The following MAT2B variants were observed in gnomAD, a reference collection of about 807,000 sequenced individuals.
MAT2B encodes methionine adenosyltransferase 2 non-catalytic beta subunit, also known as methionine adenosyltransferase 2 subunit beta.
MAT2B carries 16 observed loss-of-function variants against 36.1 expected under a neutral mutation model. That is an observed-to-expected ratio of 0.44 (90% CI 0.30 to 0.67). The LOEUF is 0.67. Ranked by LOEUF, MAT2B falls within the 30% of genes least tolerant of loss-of-function variation. MAT2B has a pLI of 0.09. For missense variants in MAT2B, 332 were observed against 398.2 expected (o/e 0.83, Z 1.42); for synonymous variants, 148 against 136.9 (o/e 1.08, Z -0.57).
At chr5:163,510,210 T>C (rs1365492953) in intron 1 of MAT2B, among the ~76,000 whole-genome samples, 2 of 152,182 alleles carry the variant, frequency 1.3e-5, no homozygotes, top group Non-Finnish European at 2.9e-5. Context: ...GGTTGGAAAC[T>C]TGGTGTTACC....
chr5:163,507,360 C>G (rs299296), intron 1 of MAT2B, among the ~76,000 whole-genome samples: 150,986 of 152,330 alleles, frequency 0.99, 74,836 homozygotes, highest in East Asian at 1. Context: ...CGATTAGATA[C>G]GATAATAAGA....
chr5:163,518,288 A>G lies in MAT2B; in HGVS notation c.930A>G (p.Pro310=). ...LETLGIGQRT[P]FRIGIKESLW... ...CCTTGGGCATTGGCCAACGAACACCATTTCGAATTGGAATCAAAGAATCAC... is the reference window on the plus strand; with the variant it reads ...CCTTGGGCATTGGCCAACGAACACCGTTTCGAATTGGAATCAAAGAATCAC... Residue 310 remains proline, a synonymous_variant, in exon 7 of 7, where the codon CCA becomes CCG. Coordinates refer to ENST00000321757, the MANE Select transcript of MAT2B (RefSeq NM_013283.5). 8.7e-6 allele frequency: 14 copies of G among 1,613,984 alleles called. No homozygotes were observed. Among genetic ancestry groups the G allele is most frequent in the Non-Finnish European group, 1.2e-5 (14 of 1,179,896 alleles).
chr5:163,517,386 T>C (rs1020743569), intron 5 of MAT2B, 175 bp from the exon 6 acceptor site: 8 of 388,064 alleles, frequency 2.1e-5, no homozygotes, highest in Admixed American at 3.9e-5. Flanking sequence ...CTTTTAAGTG[T>C]TTTGCTAAGA....
rs7729611 is a variant in MAT2B, at chr5:163,513,739, G to A, written c.373+70G>A. The A allele has an allele frequency of 2.3e-3, 3,437 of 1,511,098 alleles. 68 individuals are homozygous for A. The African/African-American group carries it at 0.043, about 19-fold the overall frequency. 93.6% of individuals were successfully genotyped at this position (1,511,098 alleles called of 1,614,324 possible). A position where few individuals can be genotyped will look rare whatever the true frequency, so the allele number is the denominator to read the frequency against. On this transcript the variant is annotated intron_variant, in intron 3 of 6. Transcript: ENST00000321757. ...CTGAGTTTTTAGAAATTAAGGTTTT[G>A]TAGATGGTTATTTGTTTTTATATAT... is the stretch of plus-strand genomic sequence containing the variant.
intron 1 of MAT2B, among the ~76,000 whole-genome samples, chr5:163,507,892 C>G (rs1759971408): frequency 6.6e-6 from 1 of 152,130 alleles, no homozygotes; most frequent in Non-Finnish European, 1.5e-5. Flanking sequence ...TCGGACTCCT[C>G]GTGGTAGGGA....
chr5:163,503,216 G>A (rs1167972360), upstream of MAT2B: 2 of 607,404 alleles, frequency 3.3e-6, no homozygotes, highest in Non-Finnish European at 6.0e-6. Context: ...GCCATGTGGA[G>A]AACTGCACGA....
chr5:163,508,548 A>G (rs957383581), intron 1 of MAT2B, among the ~76,000 whole-genome samples: 3 of 152,186 alleles, frequency 2.0e-5, no homozygotes, highest in Non-Finnish European at 4.4e-5. Flanking sequence ...TCAAACTGCT[A>G]TTAAAAAAAC....
chr5:163,514,980 T>C (rs532316377), intron 4 of MAT2B, among the ~76,000 whole-genome samples: 89 of 152,322 alleles, frequency 5.8e-4, no homozygotes, highest in African/African-American at 2.0e-3. Context: ...AGGGTCTTTC[T>C]GGTCCTCTGG....
intron 5 of MAT2B, 94 bp downstream of exon 5, chr5:163,516,805 G>A (rs1760140838): frequency 7.2e-7 from 1 of 1,392,840 alleles, no homozygotes; most frequent in African/African-American, 1.4e-5. Context: ...GTTACTGAGT[G>A]AAAGCCAAAA....
At chr5:163,503,364 G>C (rs190145161), upstream of MAT2B, 70 of 1,611,500 alleles carry the variant, frequency 4.3e-5, no homozygotes, top group Non-Finnish European at 5.6e-5. Context: ...GACCCATCCC[G>C]TATCTGCTCT....
At position 163,511,439 on chromosome 5, in the gene MAT2B, CTTTTTTTTT is replaced by C. The variant is rs60009583; in HGVS notation, c.64-547_64-539del. On this transcript the variant is annotated intron_variant, in intron 1 of 6. Coordinates refer to ENST00000321757, the MANE Select transcript of MAT2B (RefSeq NM_013283.5). ...CCACCTGTAGCTCAGCTAATTTTTGCTTTTTTTTTTTTTTTTTTTTTTTTGGAAGGACGG... is the reference window on the plus strand; with the variant it reads ...CCACCTGTAGCTCAGCTAATTTTTGCTTTTTTTTTTTTTTTGGAAGGACGG... Among the ~76,000 whole-genome samples, 62 of 69,540 alleles carry C rather than the reference CTTTTTTTTT, an allele frequency of 8.9e-4. 1 individual carries two copies. The highest frequency in any genetic ancestry group is 2.9e-3 in the African/African-American group (51 of 17,530). The allele number at this position is 69,540 out of a possible 152,430, so 45.6% of individuals were successfully genotyped here.
intron 1 of MAT2B, among the ~76,000 whole-genome samples, chr5:163,508,911 T>C (rs956858190): frequency 2.6e-5 from 4 of 152,212 alleles, no homozygotes; most frequent in African/African-American, 9.7e-5. Flanking sequence ...AAAATTAACA[T>C]GTTATAGGCC....
rs185885226 is a variant in MAT2B at position 163,517,883 on chromosome 5, A to G, written c.834+209A>G. On this transcript the variant is annotated intron_variant, in intron 6 of 6. Coordinates refer to ENST00000321757, the MANE Select transcript of MAT2B (RefSeq NM_013283.5). The stretch of plus-strand genomic sequence containing the variant: ...AATGTATTATTGTCTTGATCATGAC[A>G]GGCATTTGGTTTATTTTTCCAGGGA... 1.2e-3 allele frequency: 600 copies of G among 497,534 alleles called. 2 individuals are homozygous for G. The highest frequency in any genetic ancestry group is 9.2e-3 in the Middle Eastern group (17 of 1,840). 30.8% of individuals were successfully genotyped at this position (497,534 alleles called of 1,614,324 possible). A position where few individuals can be genotyped will look rare whatever the true frequency, so the allele number is the denominator to read the frequency against.
intron 1 of MAT2B, among the ~76,000 whole-genome samples, chr5:163,506,155 TAAC>T (rs1759933756): frequency 6.6e-6 from 1 of 152,230 alleles, no homozygotes; most frequent in Non-Finnish European, 1.5e-5. Context: ...TTCTCACAAA[TAAC>T]AGTGCTGGAG....
At position 163,514,732 on chromosome 5, in the gene MAT2B, C is replaced by G. The variant is rs534345364; in HGVS notation, c.526+738C>G. Reference sequence around the variant, plus strand: ...TGGTCCCCTGCACTAAAACTACTGCCTTAGACTGTACTATGGCCTTGAGAA... The same window carrying G: ...TGGTCCCCTGCACTAAAACTACTGCGTTAGACTGTACTATGGCCTTGAGAA... On this transcript the variant is annotated intron_variant, in intron 4 of 6. Transcript: ENST00000321757. Among the ~76,000 whole-genome samples, 18 of 152,284 alleles carry G rather than the reference C, an allele frequency of 1.2e-4. No homozygotes were observed. The South Asian group carries it at 2.1e-3, about 18-fold the overall frequency.
intron 1 of MAT2B, among the ~76,000 whole-genome samples, 170 bp from the exon 2 acceptor site, chr5:163,511,832 C>T (rs933231316): frequency 6.6e-6 from 1 of 152,176 alleles, no homozygotes; most frequent in Non-Finnish European, 1.5e-5. Context: ...GAATTACAGG[C>T]ATGAGCCTGA....
intron 2 of MAT2B, chr5:163,513,346 C>A: frequency 1.1e-5 from 5 of 445,738 alleles, no homozygotes; most frequent in Non-Finnish European, 2.0e-5. Flanking sequence ...TTATGAAATA[C>A]TCTTTTCAGT....
intron 2 of MAT2B, chr5:163,512,978 G>A (rs977609831): frequency 4.7e-6 from 1 of 213,794 alleles, no homozygotes; most frequent in African/African-American, 2.4e-5. Context: ...ACCGCGCCCA[G>A]CCTAGAAACA....
chr5:163,512,299 C>A, intron 2 of MAT2B, 103 bp downstream of exon 2: 1 of 1,058,394 alleles, frequency 9.4e-7, no homozygotes. Context: ...TGTTTGAAAG[C>A]TCTAAAGTTG....
Sources: allele counts gnomAD v4.1 joint callset (sites outside exome capture counted in the v4.1 genomes callset), GRCh38; gene constraint gnomAD v4.1.1; transcripts MANE v1.5; gene names NCBI Gene and HGNC (gene_info 2026-07-23, HGNC 2026-07-21).